Variants in ARK2C observed in about 807,000 individuals in gnomAD.
ARK2C encodes arkadia (RNF111) C-terminal like ring finger ubiquitin ligase 2C, also known as E3 ubiquitin-protein ligase ARK2C.
the ARK2C span, among the ~76,000 whole-genome samples, chr18:46,339,179 C>T: frequency 6.6e-6 from 1 of 152,160 alleles, no homozygotes; most frequent in Non-Finnish European, 1.5e-5. Flanking sequence ...TTTAAATTTT[C>T]ATTTACAGGA....
chr18:46,377,032 G>A, the ARK2C span, among the ~76,000 whole-genome samples: 6 of 152,248 alleles, frequency 3.9e-5, no homozygotes, highest in African/African-American at 1.4e-4. Flanking sequence ...CCTACCTCAG[G>A]GAGTGGTCAG....
the ARK2C span, among the ~76,000 whole-genome samples, chr18:46,367,012 C>T: frequency 6.6e-6 from 1 of 152,136 alleles, no homozygotes; most frequent in East Asian, 1.9e-4. Context: ...TCATCGTATA[C>T]TTAGTTTCCA....
chr18:46,372,639 T>C, the ARK2C span, among the ~76,000 whole-genome samples: 1 of 151,714 alleles, frequency 6.6e-6, no homozygotes, highest in African/African-American at 2.4e-5. Flanking sequence ...GCCTAAGGGG[T>C]TGGGGGTCTC....
chr18:46,351,253 C>T, the ARK2C span, among the ~76,000 whole-genome samples: 7 of 152,206 alleles, frequency 4.6e-5, no homozygotes, highest in East Asian at 9.6e-4. Context: ...CCTACAGAGT[C>T]ACCACCTCTG....
chr18:46,450,621 C>T, the ARK2C span: 1 of 1,125,986 alleles, frequency 8.9e-7, no homozygotes, highest in Non-Finnish European at 1.3e-6. Flanking sequence ...CTGCTCATGT[C>T]TTCCAGCTCC....
chr18:46,406,154 C>T, the ARK2C span, among the ~76,000 whole-genome samples: 15 of 152,278 alleles, frequency 9.9e-5, no homozygotes, highest in African/African-American at 3.4e-4. Context: ...CACATGCAGA[C>T]ACTCACCCCA....
the ARK2C span, among the ~76,000 whole-genome samples, chr18:46,429,692 A>G: frequency 1.3e-5 from 2 of 152,176 alleles, no homozygotes; most frequent in African/African-American, 4.8e-5. Flanking sequence ...TTTGTTTTCC[A>G]TAGCATTTTT....
At chr18:46,445,703 A>C in the ARK2C span, among the ~76,000 whole-genome samples, 1 of 152,140 alleles carries the variant, frequency 6.6e-6, no homozygotes, top group Non-Finnish European at 1.5e-5. Flanking sequence ...CATGCAAAAA[A>C]CTAGGGAGGT....
the ARK2C span, among the ~76,000 whole-genome samples, chr18:46,414,878 T>C: frequency 6.6e-6 from 1 of 152,188 alleles, no homozygotes; most frequent in African/African-American, 2.4e-5. Flanking sequence ...TTTTGTGTCA[T>C]CACAGCCTTG....
chr18:46,450,834 G>GGAATGGGGCA, the ARK2C span: 2 of 1,505,408 alleles, frequency 1.3e-6, no homozygotes, highest in East Asian at 2.3e-5. Context: ...GCATAGTCAG[G>GGAATGGGGCA]GAATGGGGCA....
At chr18:46,373,703 C>T in the ARK2C span, among the ~76,000 whole-genome samples, 1 of 152,198 alleles carries the variant, frequency 6.6e-6, no homozygotes, top group African/African-American at 2.4e-5. Flanking sequence ...CTTTACAACT[C>T]TTAGGACAGG....
At chr18:46,429,436 G>A in the ARK2C span, among the ~76,000 whole-genome samples, 1 of 152,048 alleles carries the variant, frequency 6.6e-6, no homozygotes, top group Admixed American at 6.6e-5. Context: ...AAATTACCAA[G>A]CAAATTTACA....
the ARK2C span, among the ~76,000 whole-genome samples, chr18:46,389,886 A>C: frequency 2.0e-5 from 3 of 151,714 alleles, no homozygotes; most frequent in Admixed American, 1.3e-4. Context: ...GTGCCACCAT[A>C]CCCAGCTAAG....
the ARK2C span, among the ~76,000 whole-genome samples, chr18:46,346,208 C>A: frequency 5.3e-5 from 8 of 152,022 alleles, no homozygotes; most frequent in African/African-American, 1.9e-4. Flanking sequence ...AGAGGGGAGG[C>A]CAGGAGACGG....
chr18:46,446,695 G>A, the ARK2C span, among the ~76,000 whole-genome samples: 8 of 133,268 alleles, frequency 6.0e-5, no homozygotes, highest in Admixed American at 7.5e-5. Flanking sequence ...AAAAAAAAAA[G>A]GAAAAGAAAA....
At chr18:46,408,795 A>G in the ARK2C span, among the ~76,000 whole-genome samples, 1 of 152,228 alleles carries the variant, frequency 6.6e-6, no homozygotes, top group African/African-American at 2.4e-5. Context: ...ATGGTTGTGA[A>G]TGAGCTGGTG....
At chr18:46,380,902 G>A in the ARK2C span, among the ~76,000 whole-genome samples, 1 of 152,212 alleles carries the variant, frequency 6.6e-6, no homozygotes, top group Non-Finnish European at 1.5e-5. Context: ...AGGAAGGCCA[G>A]GGACAGAGGA....
the ARK2C span, among the ~76,000 whole-genome samples, chr18:46,376,928 A>G: frequency 6.6e-6 from 1 of 152,112 alleles, no homozygotes; most frequent in Non-Finnish European, 1.5e-5. Context: ...TCGGCATCTC[A>G]AAGTGCTGGG....
At chr18:46,423,068 G>A in the ARK2C span, among the ~76,000 whole-genome samples, 1 of 152,164 alleles carries the variant, frequency 6.6e-6, no homozygotes, top group Non-Finnish European at 1.5e-5. Context: ...TTTAATATGA[G>A]TTTCCCAAAA....
Sources: gnomAD v4.1 joint callset for allele counts (sites outside exome capture counted in the v4.1 genomes callset) on GRCh38, gnomAD v4.1.1 for gene constraint, MANE v1.5 for transcripts, NCBI Gene and HGNC (gene_info 2026-07-23, HGNC 2026-07-21) for gene names.